The following CARMIL1 variants were observed in gnomAD, a reference collection of about 807,000 sequenced individuals.
The protein encoded by CARMIL1 is capping protein regulator and myosin 1 linker 1.
Under a neutral mutation model 177.1 loss-of-function variants are expected in CARMIL1, and 90 were observed. That is an observed-to-expected ratio of 0.51 (90% CI 0.43 to 0.61). The LOEUF is 0.61. CARMIL1 is among the 20% of genes least tolerant of loss of function. The pLI, the probability that CARMIL1 is intolerant of heterozygous loss-of-function variation, is 0.00. For missense variants in CARMIL1, 1,380 were observed against 1,667.0 expected (o/e 0.83, Z 3.00); for synonymous variants, 577 against 606.2 (o/e 0.95, Z 0.71).
intron 29 of CARMIL1, chr6:25,576,877 G>C (rs1028231681): frequency 1.9e-6 from 1 of 514,612 alleles, no homozygotes; most frequent in Non-Finnish European, 2.5e-6. Flanking sequence ...CTGTTTCTTT[G>C]TTTGTGAATG....
At chr6:25,381,952 G>A (rs577527871) in intron 2 of CARMIL1, among the ~76,000 whole-genome samples, 1 of 151,974 alleles carries the variant, frequency 6.6e-6, no homozygotes, top group East Asian at 1.9e-4. Flanking sequence ...CTCTCTAGGG[G>A]CCCACCAAGA....
chr6:25,613,751 C>A (rs1816678268), intron 36 of CARMIL1, among the ~76,000 whole-genome samples: 1 of 152,158 alleles, frequency 6.6e-6, no homozygotes, highest in African/African-American at 2.4e-5. Flanking sequence ...ATAACATATT[C>A]TGATATGTGA....
At position 25,383,046 on chromosome 6, in the gene CARMIL1, C is replaced by T. The variant is rs868274768; in HGVS notation, c.139-37068C>T. On this transcript the variant is annotated intron_variant, in intron 2 of 36. Coordinates refer to ENST00000329474, the MANE Select transcript of CARMIL1 (RefSeq NM_017640.6). ...CCAAATGAGGGCAGAATGTGGACTT[C>T]TCTGGCCCTGAGGAGTGGGTTGGGT... 3.9e-5 allele frequency among the ~76,000 whole-genome samples: 6 copies of T among 152,284 alleles called. No homozygotes were observed. The Middle Eastern group carries it at 0.01, about 259-fold the overall frequency.
intron 17 of CARMIL1, among the ~76,000 whole-genome samples, chr6:25,507,826 T>C (rs1423787393): frequency 6.6e-6 from 1 of 152,204 alleles, no homozygotes; most frequent in Non-Finnish European, 1.5e-5. Flanking sequence ...AATTGTTTTT[T>C]GAGAAGTGTT....
At chr6:25,441,337 ATGTGTGTG>A (rs1554196401) in intron 5 of CARMIL1, among the ~76,000 whole-genome samples, 7 of 94,534 alleles carry the variant, frequency 7.4e-5, no homozygotes, top group Non-Finnish European at 1.0e-4. Context: ...ATATATATAT[ATGTGTGTG>A]TGTGTGTGTG....
At chr6:25,601,581 T>G (rs927573056) in intron 33 of CARMIL1, among the ~76,000 whole-genome samples, 1 of 152,240 alleles carries the variant, frequency 6.6e-6, no homozygotes, top group African/African-American at 2.4e-5. Context: ...AACCTAAGAA[T>G]GCCTTGCTAT....
At chr6:25,569,748 C>T (rs1011626732) in intron 29 of CARMIL1, among the ~76,000 whole-genome samples, 1 of 152,132 alleles carries the variant, frequency 6.6e-6, no homozygotes, top group Non-Finnish European at 1.5e-5. Flanking sequence ...CTATGATGTC[C>T]ATTCTAGAGG....
At chr6:25,537,446 C>T (rs1354441605) in intron 24 of CARMIL1, among the ~76,000 whole-genome samples, 1 of 152,128 alleles carries the variant, frequency 6.6e-6, no homozygotes, top group African/African-American at 2.4e-5. Flanking sequence ...TTTTATTTCT[C>T]TGTTTCCTCA....
intron 2 of CARMIL1, among the ~76,000 whole-genome samples, chr6:25,357,583 C>G (rs1788762031): frequency 6.6e-6 from 1 of 151,832 alleles, no homozygotes; most frequent in African/African-American, 2.4e-5. Flanking sequence ...AATTTTGTGT[C>G]AAAAAGAAAA....
At chr6:25,317,748 A>G (rs1784389800) in intron 2 of CARMIL1, among the ~76,000 whole-genome samples, 1 of 151,658 alleles carries the variant, frequency 6.6e-6, no homozygotes, top group Admixed American at 6.6e-5. Flanking sequence ...TCTTTTTTGT[A>G]GAGAAGTGGT....
At chr6:25,317,839 A>C (rs151327179) in intron 2 of CARMIL1, among the ~76,000 whole-genome samples, 7 of 152,244 alleles carry the variant, frequency 4.6e-5, no homozygotes, top group African/African-American at 1.7e-4. Flanking sequence ...TGCTGAGATT[A>C]CAGACGTGAG....
At chr6:25,462,743 T>A (rs2150911463) in intron 8 of CARMIL1, among the ~76,000 whole-genome samples, 1 of 152,346 alleles carries the variant, frequency 6.6e-6, no homozygotes, top group East Asian at 1.9e-4. Flanking sequence ...GCTTTTTGTT[T>A]GTTTGTTTTT....
chr6:25,530,487 A>C (rs569669296), intron 24 of CARMIL1, among the ~76,000 whole-genome samples: 6 of 151,986 alleles, frequency 3.9e-5, no homozygotes, highest in East Asian at 1.9e-4. Flanking sequence ...ACTCTGACTC[A>C]AAAAAAAGAG....
chr6:25,476,667 G>T (rs928842888), intron 11 of CARMIL1, among the ~76,000 whole-genome samples: 2 of 152,102 alleles, frequency 1.3e-5, no homozygotes, highest in African/African-American at 4.8e-5. Context: ...AGTAATTTTT[G>T]TTCCCAAGCT....
intron 2 of CARMIL1, among the ~76,000 whole-genome samples, chr6:25,390,410 C>G (rs971934814): frequency 2.7e-5 from 4 of 148,242 alleles, no homozygotes; most frequent in African/African-American, 9.9e-5. Context: ...CAACCTCTGC[C>G]TCTTGGGCTC....
intron 11 of CARMIL1, among the ~76,000 whole-genome samples, chr6:25,479,696 T>G (rs940993817): frequency 6.6e-6 from 1 of 152,112 alleles, no homozygotes; most frequent in Non-Finnish European, 1.5e-5. Context: ...TCCTTCTGTT[T>G]ACAGAGGTGG....
At chr6:25,575,662 T>C (rs1184322181) in intron 29 of CARMIL1, among the ~76,000 whole-genome samples, 3 of 152,212 alleles carry the variant, frequency 2.0e-5, no homozygotes, top group African/African-American at 7.2e-5. Context: ...CAAGGATGTT[T>C]TCCTGCTAAT....
chr6:25,362,328 T>C (rs1051801643), intron 2 of CARMIL1, among the ~76,000 whole-genome samples: 3 of 152,238 alleles, frequency 2.0e-5, no homozygotes, highest in Non-Finnish European at 2.9e-5. Context: ...AATCACACTT[T>C]TATTGAATCC....
intron 8 of CARMIL1, among the ~76,000 whole-genome samples, chr6:25,455,751 A>G (rs551051551): frequency 3.2e-4 from 49 of 152,228 alleles, no homozygotes; most frequent in Non-Finnish European, 6.0e-4. Flanking sequence ...TGTAACTGCC[A>G]TTTTCCCAGG....
Sources: gnomAD v4.1 joint callset for allele counts (sites outside exome capture counted in the v4.1 genomes callset) on GRCh38, gnomAD v4.1.1 for gene constraint, MANE v1.5 for transcripts, NCBI Gene and HGNC (gene_info 2026-07-23, HGNC 2026-07-21) for gene names.